The following PRP4K variants were observed in gnomAD, a reference collection of about 807,000 sequenced individuals.
The protein encoded by PRP4K is pre-mRNA processing factor kinase PRP4K, also known as serine/threonine-protein kinase PRP4 homolog.
chr6:4,054,487 G>C, the PRP4K span, among the ~76,000 whole-genome samples: 5 of 152,130 alleles, frequency 3.3e-5, no homozygotes, highest in East Asian at 9.7e-4. Flanking sequence ...AATTTGTGTG[G>C]CCAATTTCAT....
At chr6:4,041,041 G>C in the PRP4K span, 1 of 1,143,592 alleles carries the variant, frequency 8.7e-7, no homozygotes, top group Non-Finnish European at 1.2e-6. Flanking sequence ...CATTAATTTG[G>C]CTCTGAATTT....
the PRP4K span, chr6:4,048,888 AATTT>A: frequency 8.6e-6 from 5 of 579,020 alleles, no homozygotes; most frequent in South Asian, 8.3e-5. Flanking sequence ...TGATAGTAAG[AATTT>A]ATTTAATTTG....
the PRP4K span, chr6:4,021,486 G>C: frequency 2.5e-6 from 4 of 1,574,444 alleles, no homozygotes; most frequent in African/African-American, 1.3e-5. Flanking sequence ...CTCTGTGAGT[G>C]GGCCAGAAGC....
chr6:4,021,403 G>A, the PRP4K span: 4 of 1,572,812 alleles, frequency 2.5e-6, no homozygotes, highest in African/African-American at 5.4e-5. Flanking sequence ...CGCCACCGCC[G>A]CCGAGGAGTC....
chr6:4,057,751 C>CTTTTTT, the PRP4K span, among the ~76,000 whole-genome samples: 1 of 81,084 alleles, frequency 1.2e-5, no homozygotes, highest in East Asian at 3.4e-4. Context: ...CATAACTTAG[C>CTTTTTT]TTTTTTTTTT....
At chr6:4,055,714 T>C in the PRP4K span, among the ~76,000 whole-genome samples, 1 of 152,344 alleles carries the variant, frequency 6.6e-6, no homozygotes, top group South Asian at 2.1e-4. Context: ...AAGAAACAAA[T>C]GACTAATATA....
chr6:4,053,003 T>C, the PRP4K span: 1 of 784,424 alleles, frequency 1.3e-6, no homozygotes, highest in Admixed American at 3.8e-5. Context: ...CTATTTCAAA[T>C]GACTAATACT....
the PRP4K span, chr6:4,056,980 T>C: frequency 6.9e-7 from 1 of 1,450,240 alleles, no homozygotes; most frequent in South Asian, 1.4e-5. Context: ...AAATAAAAAT[T>C]AATAGTCGTC....
chr6:4,060,843 A>T, the PRP4K span: 105 of 535,570 alleles, frequency 2.0e-4, no homozygotes, highest in African/African-American at 1.8e-3. The surrounding 1 kb of genome is among the most constrained non-coding windows in gnomAD (Gnocchi z 4.7). Flanking sequence ...CCAAGACTGC[A>T]CAAAATTACA....
chr6:4,047,364 G>T, the PRP4K span: 1 of 891,702 alleles, frequency 1.1e-6, no homozygotes, highest in Non-Finnish European at 1.7e-6. Context: ...GAACAGTGTG[G>T]GTGAAAGGAA....
the PRP4K span, chr6:4,058,691 A>G: frequency 6.7e-7 from 1 of 1,484,788 alleles, no homozygotes; most frequent in Non-Finnish European, 9.4e-7. Context: ...CCTGTTTCAT[A>G]ATAGTTCAAA....
chr6:4,049,975 T>C, the PRP4K span: 4 of 1,366,872 alleles, frequency 2.9e-6, no homozygotes, highest in Non-Finnish European at 9.9e-7. Context: ...CATGATAGAA[T>C]GTGTAAAACA....
At chr6:4,052,929 C>T in the PRP4K span, 1 of 1,459,188 alleles carries the variant, frequency 6.9e-7, no homozygotes, top group Non-Finnish European at 9.3e-7. Context: ...TCACTTCTTA[C>T]TAGCAGTAAT....
At chr6:4,027,265 A>G in the PRP4K span, among the ~76,000 whole-genome samples, 23 of 152,308 alleles carry the variant, frequency 1.5e-4, no homozygotes, top group African/African-American at 5.3e-4. Flanking sequence ...CTCAACTCAA[A>G]TGGAGAGACA....
the PRP4K span, among the ~76,000 whole-genome samples, chr6:4,053,400 C>T: frequency 2.0e-5 from 3 of 152,090 alleles, no homozygotes; most frequent in Non-Finnish European, 4.4e-5. Flanking sequence ...CATAGGTAAA[C>T]TTGTGTCATG....
At chr6:4,048,775 CTG>C in the PRP4K span, among the ~76,000 whole-genome samples, 3 of 150,764 alleles carry the variant, frequency 2.0e-5, no homozygotes, top group African/African-American at 7.3e-5. Flanking sequence ...AGGGGTGTCA[CTG>C]TGTTGCCCAG....
the PRP4K span, among the ~76,000 whole-genome samples, chr6:4,041,429 G>A: frequency 6.6e-6 from 1 of 152,174 alleles, no homozygotes; most frequent in Non-Finnish European, 1.5e-5. Context: ...CAGGCCTGGT[G>A]GCACACGCCT....
At chr6:4,040,640 A>T in the PRP4K span, 1 of 957,010 alleles carries the variant, frequency 1.0e-6, no homozygotes, top group Non-Finnish European at 1.5e-6. Flanking sequence ...ACTATATTTT[A>T]GAAGAGTTTT....
the PRP4K span, among the ~76,000 whole-genome samples, chr6:4,028,149 T>C: frequency 6.6e-6 from 1 of 152,218 alleles, no homozygotes; most frequent in Admixed American, 6.5e-5. Flanking sequence ...CTGAAATCTA[T>C]GTGACTTCTT....
Sources: gnomAD v4.1 joint callset for allele counts (sites outside exome capture counted in the v4.1 genomes callset) on GRCh38, gnomAD v4.1.1 for gene constraint, Gnocchi (gnomAD v3.1) non-coding constraint, MANE v1.5 for transcripts, NCBI Gene and HGNC (gene_info 2026-07-23, HGNC 2026-07-21) for gene names.